The following CHD1L variants were observed in gnomAD, a reference collection of about 807,000 sequenced individuals.
The protein encoded by CHD1L is ATP-dependent chromatin remodeler CHD1L.
Under a neutral mutation model 115.9 loss-of-function variants are expected in CHD1L, and 118 were observed. The ratio of observed to expected loss-of-function variants is 1.02; its 90% confidence interval spans 0.88 to 1.19. The LOEUF (loss-of-function observed/expected upper bound fraction) is 1.19. Among genes scored for constraint, CHD1L ranks in the 50% most tolerant of loss-of-function variants. CHD1L has a pLI of 0.00. For synonymous variants in CHD1L, 411 were observed against 387.1 expected (o/e 1.06, Z -0.72); for missense variants, 1,179 against 1,065.3 (o/e 1.11, Z -1.49).
chr1:147,190,829 C>T, the CHD1L span, among the ~76,000 whole-genome samples: 1 of 151,924 alleles, frequency 6.6e-6, no homozygotes, highest in Non-Finnish European at 1.5e-5. Context: ...GCTATCCCTC[C>T]CCACTACCCC....
chr1:147,194,523 G>T, the CHD1L span, among the ~76,000 whole-genome samples: 1 of 152,090 alleles, frequency 6.6e-6, no homozygotes, highest in Non-Finnish European at 1.5e-5. Context: ...AGTTAATATT[G>T]TTATGTGTGA....
rs1553960790 is a variant in CHD1L at position 147,280,088 on chromosome 1, T to G, written c.1602T>G (p.Asp534Glu). ...TGGCCTCTGAGGGGAGCACCATGGA[T>G]GAAATAGACCTGGAGTCCATCCTGG... is the stretch of plus-strand genomic sequence containing the variant. ...KLLASEGSTMDEIDLESILGE... is the reference protein window; with the variant it reads ...KLLASEGSTMEEIDLESILGE... The change falls in exon 15 of 23, where the codon GAT becomes GAG. Residue 534 changes from aspartate (D) to glutamate (E), a missense_variant. Physicochemically the swap from Asp to Glu is conservative, Grantham distance 45. Coordinates refer to ENST00000369258, the MANE Select transcript of CHD1L (RefSeq NM_004284.6). The G allele has an allele frequency of 6.2e-7, 1 of 1,614,096 alleles. No individual in the cohort carries two copies. Among genetic ancestry groups the G allele is most frequent in the Non-Finnish European group, 8.5e-7 (1 of 1,180,008 alleles).
At chr1:147,202,126 C>G in the CHD1L span, among the ~76,000 whole-genome samples, 32 of 152,100 alleles carry the variant, frequency 2.1e-4, no homozygotes, top group Non-Finnish European at 4.6e-4. Flanking sequence ...TAGAATTTAT[C>G]TCAAAGTTGT....
At chr1:147,207,228 A>G in the CHD1L span, among the ~76,000 whole-genome samples, 2 of 152,172 alleles carry the variant, frequency 1.3e-5, no homozygotes, top group African/African-American at 4.8e-5. Flanking sequence ...GGTTTCAGAA[A>G]AAAATGTACT....
chr1:147,209,116 A>AT, the CHD1L span: 2 of 1,416,644 alleles, frequency 1.4e-6, no homozygotes, highest in Non-Finnish European at 2.0e-6. Flanking sequence ...AAGCACCCCC[A>AT]TTTTCTTCAA....
the CHD1L span, among the ~76,000 whole-genome samples, chr1:147,205,647 C>A: frequency 1.3e-5 from 2 of 152,080 alleles, no homozygotes; most frequent in African/African-American, 4.8e-5. Flanking sequence ...ACAAACCTGA[C>A]AAAAACAAGA....
chr1:147,283,781 T>C (rs1681899629), intron 15 of CHD1L, among the ~76,000 whole-genome samples: 1 of 152,182 alleles, frequency 6.6e-6, no homozygotes, highest in African/African-American at 2.4e-5. Flanking sequence ...CCTCTTCCAG[T>C]GAGAATTACA....
the CHD1L span, among the ~76,000 whole-genome samples, chr1:147,193,260 T>A: frequency 6.6e-6 from 1 of 152,292 alleles, no homozygotes; most frequent in African/African-American, 2.4e-5. Flanking sequence ...GTTGAGGAAT[T>A]TATCCGTTTC....
Position 147,256,572 on chromosome 1 carries a change from T to C in CHD1L, c.494+10T>C, listed in dbSNP as rs782558601. On this transcript the variant is annotated intron_variant, in intron 5 of 22. Coordinates refer to ENST00000369258, the MANE Select transcript of CHD1L (RefSeq NM_004284.6). ...CATCATTTCTAAAATCGTGAGTAGG[T>C]TGTACTATTTAAGAACTTGGGTTGA... 2 of 1,611,674 alleles carry C rather than the reference T, an allele frequency of 1.2e-6. No individual in the cohort carries two copies. The highest frequency in any genetic ancestry group is 1.1e-5 in the South Asian group (1 of 90,768).
chr1:147,253,123 A>G (rs1033926508), intron 2 of CHD1L, among the ~76,000 whole-genome samples: 2 of 152,180 alleles, frequency 1.3e-5, no homozygotes, highest in Non-Finnish European at 2.9e-5. Context: ...TAATTTTAGT[A>G]TTGGGGTAAA....
chr1:147,282,992 T>G (rs1360042988), intron 15 of CHD1L, among the ~76,000 whole-genome samples: 1 of 152,186 alleles, frequency 6.6e-6, no homozygotes, highest in Non-Finnish European at 1.5e-5. Context: ...AGATAGGAAG[T>G]ATGATTACAA....
chr1:147,286,569 G>T, intron 18 of CHD1L, 69 bp downstream of exon 18: 1 of 1,441,768 alleles, frequency 6.9e-7, no homozygotes, highest in Non-Finnish European at 9.7e-7. Flanking sequence ...GGGGAGGATG[G>T]GGCACTGGGA....
chr1:147,292,375 G>A (rs1232532343), intron 20 of CHD1L, among the ~76,000 whole-genome samples: 2 of 152,176 alleles, frequency 1.3e-5, no homozygotes, highest in African/African-American at 4.8e-5. Context: ...TGGGATGCCT[G>A]TAGTGAGTTT....
chr1:147,211,075 T>C, the CHD1L span: 1 of 152,238 alleles, frequency 6.6e-6, no homozygotes, highest in Admixed American at 6.5e-5. Context: ...CAGCTTGGAT[T>C]AGTGGTGTGA....
chr1:147,242,559 G>T (rs1487545860), upstream of CHD1L: 4 of 858,940 alleles, frequency 4.7e-6, no homozygotes, highest in South Asian at 2.5e-4. Context: ...CACCAGCTCC[G>T]CTCCGGATAT....
intron 19 of CHD1L, among the ~76,000 whole-genome samples, chr1:147,288,985 G>T (rs1331680375): frequency 1.3e-5 from 2 of 152,146 alleles, no homozygotes; most frequent in African/African-American, 4.8e-5. Context: ...ATAGAGAAGG[G>T]CCCTCCAGAT....
chr1:147,187,276 G>T, the CHD1L span: 10 of 1,499,980 alleles, frequency 6.7e-6, 1 homozygote, highest in South Asian at 1.3e-4. Flanking sequence ...ACCATGGCCT[G>T]TCAATAATTC....
intron 14 of CHD1L, among the ~76,000 whole-genome samples, chr1:147,279,697 A>G (rs868946303): frequency 2.0e-5 from 3 of 152,194 alleles, no homozygotes; most frequent in Non-Finnish European, 4.4e-5. Context: ...ATGCTTATGA[A>G]AAAGTCAGTG....
the CHD1L span, among the ~76,000 whole-genome samples, chr1:147,214,459 C>CAAA: frequency 0.037 from 5,454 of 149,170 alleles, 153 homozygotes; most frequent in South Asian, 0.094. Flanking sequence ...TGAAAAAAAA[C>CAAA]AAAAAACAAA....
Sources: allele counts gnomAD v4.1 joint callset (sites outside exome capture counted in the v4.1 genomes callset), GRCh38; gene constraint gnomAD v4.1.1; transcripts MANE v1.5; gene names NCBI Gene and HGNC (gene_info 2026-07-23, HGNC 2026-07-21).